CD84: variants seen among roughly 807,000 people sequenced by gnomAD.
CD84 encodes CD84 molecule, also known as SLAM family member 5.
CD84 carries 22 observed loss-of-function variants against 33.8 expected under a neutral mutation model. That is an observed-to-expected ratio of 0.65 (90% CI 0.46 to 0.93). The LOEUF is 0.93. CD84 is among the 40% of genes least tolerant of loss of function. CD84 has a pLI of 0.00. For synonymous variants in CD84, 154 were observed against 145.2 expected, an observed-to-expected ratio of 1.06 and a Z score of -0.44; for missense variants, 400 against 397.6, an observed-to-expected ratio of 1.01 and a Z score of -0.05.
At chr1:160,558,820 A>G (rs1437058151) in intron 2 of CD84, among the ~76,000 whole-genome samples, 1 of 152,222 alleles carries the variant, frequency 6.6e-6, no homozygotes, top group Non-Finnish European at 1.5e-5. Flanking sequence ...TGAAAACCAC[A>G]ACACGAGATA....
At chr1:160,561,247 A>T (rs1174215905) in intron 2 of CD84, among the ~76,000 whole-genome samples, 37 of 152,234 alleles carry the variant, frequency 2.4e-4, no homozygotes, top group Admixed American at 2.4e-3. Flanking sequence ...CTTAATGAAC[A>T]TTGATGCAGA....
intron 2 of CD84, among the ~76,000 whole-genome samples, chr1:160,555,166 C>T (rs902317028): frequency 2.0e-5 from 3 of 151,336 alleles, no homozygotes; most frequent in Non-Finnish European, 4.4e-5. Context: ...CTGCAAGCTC[C>T]GCCTCCTGGG....
At chr1:160,561,413 C>T (rs1033260750) in intron 2 of CD84, among the ~76,000 whole-genome samples, 1 of 151,238 alleles carries the variant, frequency 6.6e-6, no homozygotes, top group Non-Finnish European at 1.5e-5. Context: ...GAAGACAAAA[C>T]CCACAGATCA....
intron 6 of CD84, 142 bp downstream of exon 6, chr1:160,549,775 T>C: frequency 1.4e-6 from 1 of 727,138 alleles, no homozygotes; most frequent in Non-Finnish European, 2.5e-6. Context: ...GAAGTACATA[T>C]AGACCAAAAA....
At chr1:160,562,188 GACT>G (rs1657013571) in intron 2 of CD84, among the ~76,000 whole-genome samples, 1 of 151,948 alleles carries the variant, frequency 6.6e-6, no homozygotes, top group South Asian at 2.1e-4. Context: ...ATTCACATTA[GACT>G]ACTATTGACA....
intron 2 of CD84, among the ~76,000 whole-genome samples, chr1:160,556,754 T>C (rs1023072846): frequency 5.3e-5 from 8 of 152,248 alleles, no homozygotes; most frequent in African/African-American, 9.6e-5. Flanking sequence ...TTATTGTATA[T>C]ACAGTACAGC....
chr1:160,552,922 G>A (rs1009589823), intron 4 of CD84: 18 of 608,752 alleles, frequency 3.0e-5, no homozygotes, highest in Non-Finnish European at 3.3e-5. Flanking sequence ...ACTACAGAAT[G>A]ATCCAGAGGG....
chr1:160,554,035 T>C lies in CD84; in HGVS notation c.500A>G (p.Asn167Ser). The C allele has an allele frequency of 4.3e-6, 7 of 1,614,226 alleles. No individual in the cohort carries two copies. Among genetic ancestry groups the C allele is most frequent in the Non-Finnish European group, 5.9e-6 (7 of 1,180,032 alleles). Residue 167 changes from asparagine (N) to serine (S), a missense_variant, in exon 3 of 7, where the codon AAT (asparagine) becomes AGT (serine). Coordinates refer to ENST00000368054, the MANE Select transcript of CD84 (RefSeq NM_003874.4). Reference sequence around the variant, plus strand: ...ACCCTCTTCTCCCAGGGGACTCCAATTGTATGTCACATTCTTTTCTTCTTT... The same window carrying C: ...ACCCTCTTCTCCCAGGGGACTCCAACTGTATGTCACATTCTTTTCTTCTTT... Reference protein sequence around the residue: ...VEKEEKNVTYNWSPLGEEGNV... With the variant: ...VEKEEKNVTYSWSPLGEEGNV...
chr1:160,553,590 T>C, intron 3 of CD84, 93 bp from the exon 4 acceptor site: 2 of 1,464,178 alleles, frequency 1.4e-6, no homozygotes, highest in South Asian at 2.3e-5. Flanking sequence ...TTATGAAAAT[T>C]GGGTGCCCTC....
intron 1 of CD84, among the ~76,000 whole-genome samples, chr1:160,575,736 A>G (rs150300417): frequency 6.6e-6 from 1 of 152,274 alleles, no homozygotes; most frequent in East Asian, 1.9e-4. Context: ...TCCCTTTCCT[A>G]AGGTCCAAGA....
intron 1 of CD84, among the ~76,000 whole-genome samples, chr1:160,578,652 T>C (rs1658118980): frequency 6.6e-6 from 1 of 152,192 alleles, no homozygotes; most frequent in Admixed American, 6.6e-5. Flanking sequence ...GGAGATAACA[T>C]GTACAATGAC....
intron 4 of CD84, chr1:160,551,279 C>T (rs994010074): frequency 2.7e-5 from 12 of 445,156 alleles, no homozygotes; most frequent in South Asian, 2.4e-4. Flanking sequence ...AGACAATTTC[C>T]CCAACCCCTC....
At position 160,553,367 on chromosome 1, in the gene CD84, GAA is replaced by G. The variant is rs750343939; in HGVS notation, c.760+9_760+10del. 1.9e-4 allele frequency: 314 copies of G among 1,613,994 alleles called. 1 individual carries two copies. Among genetic ancestry groups the G allele is most frequent in the Non-Finnish European group, 2.6e-4 (302 of 1,180,022 alleles). ...TGAGTTTCCACATTTTACCTTCTGG[GAA>G]AATCCTACCTTGTCTTCTCTTGAAC... On this transcript the variant is annotated intron_variant, in intron 4 of 6. Transcript: ENST00000368054.
At chr1:160,579,263 A>G in intron 1 of CD84, 129 bp downstream of exon 1, 1 of 1,257,102 alleles carries the variant, frequency 8.0e-7, no homozygotes, top group East Asian at 2.4e-5. Flanking sequence ...CCTGTTGAGT[A>G]CAGTAGATAC....
intron 2 of CD84, among the ~76,000 whole-genome samples, chr1:160,563,331 G>A (rs1303661967): frequency 6.6e-6 from 1 of 152,088 alleles, no homozygotes; most frequent in Non-Finnish European, 1.5e-5. Context: ...CAATAGCTAA[G>A]ATATGGAATC....
At position 160,547,537 on chromosome 1, in the gene CD84, T is replaced by C. The variant is rs1316408321; in HGVS notation, c.*719A>G. The C allele has an allele frequency of 8.0e-5, 16 of 201,084 alleles. No individual in the cohort carries two copies. The East Asian group carries it at 1.8e-3, about 22-fold the overall frequency. The allele number at this position is 201,084 out of a possible 1,614,324, so 12.5% of individuals were successfully genotyped here. A position where few individuals can be genotyped will look rare whatever the true frequency, so the allele number is the denominator to read the frequency against. On this transcript the variant is annotated 3_prime_UTR_variant, in exon 7 of 7. Coordinates refer to ENST00000368054, the MANE Select transcript of CD84 (RefSeq NM_003874.4). ...ACTCCATTTGGAGAGTGTGTCTACA[T>C]GGCTGAGAGCCACAACTCTGACAGA...
At chr1:160,551,159 C>A in intron 4 of CD84, 124 bp from the exon 5 acceptor site, 2 of 746,072 alleles carry the variant, frequency 2.7e-6, no homozygotes, top group East Asian at 2.5e-5. Flanking sequence ...GGCTGCCATC[C>A]TTTGAAATGG....
chr1:160,553,388 C>G lies in CD84; in HGVS notation c.750G>C (p.Lys250Asn). The change falls in exon 4 of 7, where the codon AAG (lysine) becomes AAC (asparagine). Residue 250 changes from lysine (K) to asparagine (N), a missense_variant. By Grantham distance (94) the Lys-to-Asn change is moderately conservative. Transcript: ENST00000368054. ...CTGGGAAAATCCTACCTTGTCTTCT[C>G]TTGAACAAACGGAACAAAAACACTG... ...LSSVFLFRLFKRRQDAASKKT... is the reference protein window; with the variant it reads ...LSSVFLFRLFNRRQDAASKKT... The G allele has an allele frequency of 2.5e-6, 4 of 1,614,104 alleles. No homozygotes were observed. In the South Asian group the frequency reaches 4.4e-5, roughly 18 times the overall value.
chr1:160,563,986 A>G (rs913729478), intron 2 of CD84, among the ~76,000 whole-genome samples: 3 of 152,134 alleles, frequency 2.0e-5, no homozygotes, highest in African/African-American at 7.2e-5. Flanking sequence ...CATTAAACAC[A>G]GATTCCTGGA....
Sources: allele counts gnomAD v4.1 joint callset (sites outside exome capture counted in the v4.1 genomes callset), GRCh38; gene constraint gnomAD v4.1.1; transcripts MANE v1.5; gene names NCBI Gene and HGNC (gene_info 2026-07-23, HGNC 2026-07-21).